The following TNNI3K variants were observed in gnomAD, a reference collection of about 807,000 sequenced individuals.
The protein encoded by TNNI3K is serine/threonine-protein kinase TNNI3K.
In TNNI3K, 140 loss-of-function variants were observed where a neutral mutation model predicts 114.5. That is an observed-to-expected ratio of 1.22 (90% confidence interval 1.07 to 1.41). TNNI3K has a LOEUF of 1.41. Among genes scored for constraint, TNNI3K ranks in the 40% most tolerant of loss-of-function variants. The probability of loss-of-function intolerance (pLI) is 0.00; values close to 1 mark genes in which losing one functional copy is unlikely to be tolerated. For synonymous variants in TNNI3K, 347 were observed against 347.5 expected, an observed-to-expected ratio of 1.00 and a Z score of 0.02; for missense variants, 1,125 against 1,007.6, an observed-to-expected ratio of 1.12 and a Z score of -1.58.
At chr1:74,358,887 T>C (rs1164544052) in intron 11 of TNNI3K, among the ~76,000 whole-genome samples, 1 of 152,026 alleles carries the variant, frequency 6.6e-6, no homozygotes, top group African/African-American at 2.4e-5. Context: ...TTAAAATGGA[T>C]AGTAAAAGAG....
intron 17 of TNNI3K, among the ~76,000 whole-genome samples, chr1:74,410,555 A>G (rs1165310917): frequency 6.6e-6 from 1 of 152,242 alleles, no homozygotes; most frequent in African/African-American, 2.4e-5. Context: ...CTCAAGTTAC[A>G]CTACAATTCT....
chr1:74,471,188 T>G (rs1419677233), intron 21 of TNNI3K: 1 of 400,608 alleles, frequency 2.5e-6, no homozygotes, highest in African/African-American at 2.1e-5. Context: ...CGCAAGTTGT[T>G]AGCACTGAGC....
chr1:74,387,708 G>A (rs1388922685), intron 17 of TNNI3K, among the ~76,000 whole-genome samples: 1 of 152,174 alleles, frequency 6.6e-6, no homozygotes, highest in Non-Finnish European at 1.5e-5. Flanking sequence ...GAAGTCGGCG[G>A]TATCGAGGCG....
intron 5 of TNNI3K, among the ~76,000 whole-genome samples, chr1:74,315,178 A>G (rs1659239441): frequency 6.6e-6 from 1 of 152,182 alleles, no homozygotes; most frequent in Admixed American, 6.5e-5. Context: ...TTGTCACATA[A>G]TGAAAGAGAG....
At chr1:74,449,079 A>C (rs1214776564) in intron 20 of TNNI3K, among the ~76,000 whole-genome samples, 4 of 140,088 alleles carry the variant, frequency 2.9e-5, no homozygotes, top group African/African-American at 1.1e-4. Context: ...TTTGGCTGTG[A>C]ATCCATCTGG....
At chr1:74,535,131 C>T (rs1296112471) in intron 23 of TNNI3K, among the ~76,000 whole-genome samples, 2 of 152,118 alleles carry the variant, frequency 1.3e-5, no homozygotes, top group Non-Finnish European at 2.9e-5. Context: ...TTCACTCTGC[C>T]TTTCCAACAT....
rs542825015 is a variant in TNNI3K at position 74,367,655 on chromosome 1, C to T, written c.1265-253C>T. 3.9e-5 allele frequency among the ~76,000 whole-genome samples: 6 copies of T among 152,004 alleles called. No homozygotes were observed. In the South Asian group the frequency reaches 1.2e-3, roughly 32 times the overall value. On this transcript the variant is annotated intron_variant, in intron 12 of 24. Transcript: ENST00000326637. ...AGCAGTCATTTTCCATTTCAGTAAT[C>T]TATTACTGAATACTCATATCCAGAG...
chr1:74,385,689 C>T (rs1663437139), intron 17 of TNNI3K, among the ~76,000 whole-genome samples: 1 of 152,112 alleles, frequency 6.6e-6, no homozygotes, highest in Non-Finnish European at 1.5e-5. Context: ...TAGCTGTCTG[C>T]AAAGGTTAAG....
At chr1:74,255,430 C>T (rs959324243) in intron 4 of TNNI3K, among the ~76,000 whole-genome samples, 6 of 151,636 alleles carry the variant, frequency 4.0e-5, no homozygotes, top group African/African-American at 1.5e-4. Flanking sequence ...TCCTATTTTC[C>T]TAGCCCTCAC....
chr1:74,324,234 C>G (rs1053096991), intron 5 of TNNI3K, among the ~76,000 whole-genome samples: 1 of 152,210 alleles, frequency 6.6e-6, no homozygotes, highest in African/African-American at 2.4e-5. Flanking sequence ...CCTTGTGGCT[C>G]TTATCTGACC....
chr1:74,464,779 G>A lies in TNNI3K; in HGVS notation c.2121+1229G>A, dbSNP rs1364244353. ...GGCCATTCAACCTGATGTGTTACATGTTTATTTGTTTAGAATCTTCCATCA... is the reference window on the plus strand; with the variant it reads ...GGCCATTCAACCTGATGTGTTACATATTTATTTGTTTAGAATCTTCCATCA... On this transcript the variant is annotated intron_variant, in intron 21 of 24. Transcript: ENST00000326637. 7.8e-6 allele frequency: 12 copies of A among 1,536,030 alleles called. No individual in the cohort carries two copies. In the East Asian group the frequency reaches 2.4e-4, roughly 31 times the overall value.
At chr1:74,460,549 A>G (rs1301740248) in intron 20 of TNNI3K, among the ~76,000 whole-genome samples, 2 of 152,256 alleles carry the variant, frequency 1.3e-5, no homozygotes, top group African/African-American at 2.4e-5. Context: ...CAACATTTAC[A>G]TAAATCCTCT....
At chr1:74,469,693 C>T (rs1667830948) in intron 21 of TNNI3K, 2 of 383,468 alleles carry the variant, frequency 5.2e-6, no homozygotes, top group African/African-American at 4.1e-5. Flanking sequence ...TATCCTATGA[C>T]TCCATCTTTG....
chr1:74,256,929 A>G (rs1196998575), intron 4 of TNNI3K, among the ~76,000 whole-genome samples: 1 of 152,150 alleles, frequency 6.6e-6, no homozygotes, highest in African/African-American at 2.4e-5. Flanking sequence ...TTCTGTATTT[A>G]AAACTCTTTG....
intron 20 of TNNI3K, among the ~76,000 whole-genome samples, chr1:74,441,194 T>C (rs1320708673): frequency 6.6e-6 from 1 of 152,112 alleles, no homozygotes; most frequent in Non-Finnish European, 1.5e-5. Flanking sequence ...TCAAGATGTA[T>C]AACATTTCCA....
At chr1:74,251,580 T>C (rs1490921468) in intron 4 of TNNI3K, among the ~76,000 whole-genome samples, 2 of 152,226 alleles carry the variant, frequency 1.3e-5, no homozygotes, top group African/African-American at 4.8e-5. Flanking sequence ...GTTGGCTCAT[T>C]ACTCCCAGAA....
intron 17 of TNNI3K, among the ~76,000 whole-genome samples, chr1:74,429,833 T>A (rs166675): frequency 0.03 from 4,600 of 152,176 alleles, 94 homozygotes; most frequent in East Asian, 0.073. Flanking sequence ...CAGCCATGTG[T>A]CTTTAATCAT....
intron 17 of TNNI3K, among the ~76,000 whole-genome samples, chr1:74,432,375 T>A (rs1474906400): frequency 6.6e-6 from 1 of 152,074 alleles, no homozygotes; most frequent in African/African-American, 2.4e-5. Flanking sequence ...GAAGAGCAAA[T>A]GGATGTAAAT....
rs1662363599 is a variant in TNNI3K at position 74,367,894 on chromosome 1, A to T, written c.1265-14A>T. 1 of 1,566,792 alleles carries T rather than the reference A, an allele frequency of 6.4e-7. No homozygotes were observed. The highest frequency in any genetic ancestry group is 1.4e-5 in the African/African-American group (1 of 71,270). ...ATCGCTACTTTCAACTCTATTATATAATTTAATTTCTAGATGGCTCCTATG... is the reference window on the plus strand; with the variant it reads ...ATCGCTACTTTCAACTCTATTATATTATTTAATTTCTAGATGGCTCCTATG... On this transcript the variant is annotated splice_polypyrimidine_tract_variant and intron_variant, in intron 12 of 24. Transcript: ENST00000326637.
Sources: allele counts gnomAD v4.1 joint callset (sites outside exome capture counted in the v4.1 genomes callset), GRCh38; gene constraint gnomAD v4.1.1; transcripts MANE v1.5; gene names NCBI Gene and HGNC (gene_info 2026-07-23, HGNC 2026-07-21).